Variants in SYTL3 observed in about 807,000 individuals in gnomAD.
The protein encoded by SYTL3 is synaptotagmin like 3.
A neutral mutation model predicts 82.1 loss-of-function variants in SYTL3; 88 were observed. The ratio of observed to expected loss-of-function variants is 1.07; its 90% CI spans 0.90 to 1.28. The LOEUF (loss-of-function observed/expected upper bound fraction) is 1.28. Ranked by LOEUF, SYTL3 falls within the 50% of genes most tolerant of loss-of-function variation. The pLI, the probability that SYTL3 is intolerant of heterozygous loss-of-function variation, is 0.00. For synonymous variants in SYTL3, 311 were observed against 289.4 expected, an observed-to-expected ratio of 1.07 and a Z score of -0.76; for missense variants, 831 against 757.6, an observed-to-expected ratio of 1.10 and a Z score of -1.14.
chr6:158,745,754 A>AC lies in SYTL3; in HGVS notation c.1034+96_1034+97insC, dbSNP rs960972933. 5.8e-6 allele frequency: 6 copies of AC among 1,038,474 alleles called. No homozygotes were observed. The African/African-American group carries it at 9.7e-5, about 17-fold the overall frequency. 64.3% of individuals were successfully genotyped at this position (1,038,474 alleles called of 1,614,324 possible). On this transcript the variant is annotated intron_variant, in intron 12 of 17. Transcript: ENST00000611299. ...AAGAATAACCAAGACAATTATTAAA[A>AC]AAAAAAACAAAATGAAAAGGCTTAC...
chr6:158,705,827 C>T (rs747483657), intron 6 of SYTL3, among the ~76,000 whole-genome samples: 21 of 152,068 alleles, frequency 1.4e-4, no homozygotes, highest in Non-Finnish European at 2.4e-4. Flanking sequence ...GAGACAGGAG[C>T]ACCCTGTGGT....
chr6:158,697,483 A>C (rs9457435), intron 6 of SYTL3, among the ~76,000 whole-genome samples: 77,555 of 151,646 alleles, frequency 0.51, 20,394 homozygotes, highest in Non-Finnish European at 0.57. Context: ...ATTGGATCTG[A>C]TAATGATTTC....
intron 1 of SYTL3, among the ~76,000 whole-genome samples, chr6:158,650,561 C>T (rs1787870514): frequency 6.6e-6 from 1 of 152,058 alleles, no homozygotes; most frequent in African/African-American, 2.4e-5. Flanking sequence ...ATTTAAATTT[C>T]TTTTAATTAA....
chr6:158,711,162 CT>C (rs1782725872), intron 8 of SYTL3, among the ~76,000 whole-genome samples: 1 of 152,204 alleles, frequency 6.6e-6, no homozygotes, highest in Non-Finnish European at 1.5e-5. Context: ...CCATTTCCTA[CT>C]TTTGCAACAC....
intron 11 of SYTL3, among the ~76,000 whole-genome samples, chr6:158,731,605 T>C (rs981091738): frequency 6.6e-6 from 1 of 152,124 alleles, no homozygotes; most frequent in African/African-American, 2.4e-5. Context: ...TTGTTGTCGT[T>C]GTTGTTGAGA....
intron 5 of SYTL3, among the ~76,000 whole-genome samples, chr6:158,670,807 A>AT (rs35123978): frequency 0.15 from 22,258 of 147,464 alleles, 2,731 homozygotes; most frequent in East Asian, 0.67. Context: ...TGTACAGAGT[A>AT]TTTTTTTTTT....
chr6:158,676,941 C>CT (rs1778106555), intron 5 of SYTL3, among the ~76,000 whole-genome samples: 1 of 151,968 alleles, frequency 6.6e-6, no homozygotes, highest in African/African-American at 2.4e-5. Context: ...AATAGGAACA[C>CT]TTTTACACTG....
In SYTL3 at chr6:158,725,326, C is replaced by T. The variant is rs200170480; in HGVS notation, c.721-177C>T. Among the ~76,000 whole-genome samples the T allele has an allele frequency of 1.1e-3, 161 of 150,654 alleles. 1 individual carries two copies. The highest frequency in any genetic ancestry group is 3.6e-3 in the African/African-American group (146 of 41,096). On this transcript the variant is annotated intron_variant, in intron 10 of 17. Transcript: ENST00000611299. Reference sequence around the variant, plus strand: ...CATGCGCGTGTGTGGTGTGTGTGTGCGTGTGTGTGTGTGTGTGCGCACGTG... The same window carrying T: ...CATGCGCGTGTGTGGTGTGTGTGTGTGTGTGTGTGTGTGTGTGCGCACGTG...
chr6:158,745,497 T>C lies in SYTL3; in HGVS notation c.873T>C (p.Ile291=), dbSNP rs757405608. The C allele has an allele frequency of 6.8e-6, 11 of 1,609,288 alleles. No individual in the cohort carries two copies. The highest frequency in any genetic ancestry group is 9.3e-6 in the Non-Finnish European group (11 of 1,178,958). The part of the protein sequence containing the change: ...GGFRHGSLIS[I]DSTCTEMGNF... ...GATTTCAGGGAAGTTTAATTAGCAT[T>C]GACAGCACCTGTACAGAGATGGGCA... The change falls in exon 12 of 18, where the codon ATT becomes ATC. Residue 291 remains isoleucine, a synonymous_variant. Transcript: ENST00000611299.
At chr6:158,728,463 T>C (rs954934782) in intron 11 of SYTL3, among the ~76,000 whole-genome samples, 1 of 152,244 alleles carries the variant, frequency 6.6e-6, no homozygotes, top group South Asian at 2.1e-4. Context: ...AGTGATCTCT[T>C]CGTCTGTCCT....
chr6:158,752,684 A>AG (rs1014348374), intron 13 of SYTL3, among the ~76,000 whole-genome samples: 6 of 152,134 alleles, frequency 3.9e-5, no homozygotes, highest in Non-Finnish European at 5.9e-5. Context: ...GTGCAGGGTG[A>AG]GGGGGGTAGC....
intron 11 of SYTL3, among the ~76,000 whole-genome samples, chr6:158,729,535 T>A (rs888454986): frequency 1.3e-5 from 2 of 152,082 alleles, no homozygotes; most frequent in Non-Finnish European, 2.9e-5. Flanking sequence ...CTTAGCCCCT[T>A]TCCAAGTGTA....
At chr6:158,698,038 C>G (rs1780751080) in intron 6 of SYTL3, among the ~76,000 whole-genome samples, 2 of 152,134 alleles carry the variant, frequency 1.3e-5, no homozygotes, top group South Asian at 4.1e-4. Context: ...TTCTTTCATC[C>G]TGGGACAGTG....
At chr6:158,707,991 C>T (rs1215535966) in intron 7 of SYTL3, among the ~76,000 whole-genome samples, 1 of 152,166 alleles carries the variant, frequency 6.6e-6, no homozygotes, top group African/African-American at 2.4e-5. Context: ...GCTAAGAGAA[C>T]ACGGGAGCGC....
At chr6:158,665,670 C>T (rs2128370135) in intron 5 of SYTL3, 57 bp downstream of exon 5, 1 of 1,321,284 alleles carries the variant, frequency 7.6e-7, no homozygotes, top group Admixed American at 2.3e-5. Context: ...GAGGAGGCCT[C>T]TTTACAAACC....
intron 14 of SYTL3, among the ~76,000 whole-genome samples, chr6:158,757,626 G>T (rs1789310839): frequency 1.3e-5 from 2 of 152,156 alleles, no homozygotes; most frequent in Non-Finnish European, 2.9e-5. Context: ...ATCATACACA[G>T]ACCAGACTGG....
At chr6:158,680,417 G>T (rs1778531891) in intron 5 of SYTL3, among the ~76,000 whole-genome samples, 2 of 152,076 alleles carry the variant, frequency 1.3e-5, no homozygotes, top group Middle Eastern at 3.4e-3. Context: ...TATATTTTTG[G>T]CTCTGAATGG....
intron 12 of SYTL3, among the ~76,000 whole-genome samples, chr6:158,749,071 G>T (rs1337435649): frequency 6.8e-6 from 1 of 146,712 alleles, no homozygotes; most frequent in Non-Finnish European, 1.5e-5. Context: ...AAAATACAGA[G>T]AAAATTAGCC....
intron 5 of SYTL3, among the ~76,000 whole-genome samples, chr6:158,682,355 C>CTTTTTTTTTT (rs61526522): frequency 2.8e-5 from 3 of 106,834 alleles, no homozygotes; most frequent in African/African-American, 8.5e-5. Flanking sequence ...TTAACATTCA[C>CTTTTTTTTTT]TTTTTTTTTT....
Sources: allele counts gnomAD v4.1 joint callset (sites outside exome capture counted in the v4.1 genomes callset), GRCh38; gene constraint gnomAD v4.1.1; transcripts MANE v1.5; gene names NCBI Gene and HGNC (gene_info 2026-07-23, HGNC 2026-07-21).